Variants in AFF3 observed in about 807,000 individuals in gnomAD.
AFF3 encodes AF4/FMR2 family member 3.
Under a neutral mutation model 129.7 loss-of-function variants are expected in AFF3, and 32 were observed. That is an observed-to-expected ratio of 0.25 (90% CI 0.19 to 0.33). AFF3 has a LOEUF of 0.33. Ranked by LOEUF, AFF3 falls within the 10% of genes least tolerant of loss-of-function variation. AFF3 has a pLI of 1.00. For synonymous variants in AFF3, 644 were observed against 635.4 expected, an observed-to-expected ratio of 1.01 and a Z score of -0.20; for missense variants, 1,373 against 1,592.0, an observed-to-expected ratio of 0.86 and a Z score of 2.34.
At chr2:99,979,100 T>C (rs1679159803) in intron 7 of AFF3, among the ~76,000 whole-genome samples, 2 of 145,420 alleles carry the variant, frequency 1.4e-5, no homozygotes, top group South Asian at 2.2e-4. Flanking sequence ...GGGCATATTG[T>C]ATTAATAGAT....
chr2:99,606,491 C>T (rs539796377), intron 13 of AFF3, among the ~76,000 whole-genome samples: 6 of 151,804 alleles, frequency 4.0e-5, no homozygotes, highest in Non-Finnish European at 8.8e-5. Flanking sequence ...ACATAATAAG[C>T]GTTCATGTGT....
chr2:99,590,183 T>G (rs1678531016), intron 15 of AFF3, among the ~76,000 whole-genome samples: 1 of 152,222 alleles, frequency 6.6e-6, no homozygotes, highest in Admixed American at 6.5e-5. Flanking sequence ...GGATGAGGGA[T>G]GGGCAAGATT....
intron 4 of AFF3, 95 bp from the exon 5 acceptor site, chr2:100,009,027 G>T: frequency 6.8e-7 from 1 of 1,480,038 alleles, no homozygotes. Context: ...TCTGGTTCGT[G>T]GACAAATGGT....
chr2:100,073,111 T>C (rs1688326250), intron 4 of AFF3, among the ~76,000 whole-genome samples: 1 of 152,190 alleles, frequency 6.6e-6, no homozygotes, highest in African/African-American at 2.4e-5. Flanking sequence ...ACAGGTTGAA[T>C]TGTGTCCCTG....
At chr2:99,608,023 TC>T (rs1436706991) in intron 13 of AFF3, among the ~76,000 whole-genome samples, 1 of 152,248 alleles carries the variant, frequency 6.6e-6, no homozygotes, top group Non-Finnish European at 1.5e-5. Context: ...AATTGTTTGT[TC>T]TGCAACACTT....
intron 4 of AFF3, among the ~76,000 whole-genome samples, chr2:100,075,381 A>C (rs914186887): frequency 1.3e-5 from 2 of 152,128 alleles, no homozygotes; most frequent in African/African-American, 4.8e-5. Context: ...GTGAGGGGGC[A>C]TTTCTTTATA....
chr2:100,022,707 T>G (rs988748772), intron 4 of AFF3, among the ~76,000 whole-genome samples: 1 of 152,320 alleles, frequency 6.6e-6, no homozygotes, highest in East Asian at 1.9e-4. Flanking sequence ...CCACTGCGCC[T>G]GGCCCTGTCT....
At position 99,695,741 on chromosome 2, in the gene AFF3, G is replaced by A. The variant is rs115317444; in HGVS notation, c.1092-23152C>T. Among the ~76,000 whole-genome samples, 839 of 151,966 alleles carry A rather than the reference G, an allele frequency of 5.5e-3. 5 individuals are homozygous for A. Among genetic ancestry groups the A allele is most frequent in the African/African-American group, 0.019 (783 of 41,470 alleles). The stretch of plus-strand genomic sequence containing the variant: ...TCCATTTCTACTTTTTTATTGGTAA[G>A]CGATGGGATTTCATTTGTAATGTAT... On this transcript the variant is annotated intron_variant, in intron 11 of 24. Coordinates refer to ENST00000672756, the MANE Select transcript of AFF3 (RefSeq NM_001386135.1).
chr2:99,937,521 C>G (rs1224132707), intron 7 of AFF3, among the ~76,000 whole-genome samples: 2 of 152,140 alleles, frequency 1.3e-5, no homozygotes, highest in Non-Finnish European at 2.9e-5. Flanking sequence ...GCCTCAGCCT[C>G]CTGAGTAGCT....
At chr2:99,750,648 C>G (rs1307804975) in intron 9 of AFF3, among the ~76,000 whole-genome samples, 2 of 152,124 alleles carry the variant, frequency 1.3e-5, no homozygotes, top group African/African-American at 4.8e-5. Context: ...AACTCCAGAC[C>G]TCAAGCAATC....
intron 12 of AFF3, among the ~76,000 whole-genome samples, chr2:99,652,144 T>C (rs1175473369): frequency 2.6e-5 from 4 of 152,140 alleles, no homozygotes; most frequent in Non-Finnish European, 1.5e-5. Flanking sequence ...CAGGAAAGCC[T>C]TCCCTCTGAA....
intron 4 of AFF3, among the ~76,000 whole-genome samples, chr2:100,096,214 A>C (rs2699628): frequency 1.8e-4 from 27 of 152,174 alleles, no homozygotes; most frequent in African/African-American, 5.5e-4. Flanking sequence ...GTAAGACTAT[A>C]CAGTTACTCT....
chr2:99,594,381 T>C (rs2104990589), intron 14 of AFF3, 92 bp from the exon 15 acceptor site: 5 of 1,499,924 alleles, frequency 3.3e-6, no homozygotes, highest in Non-Finnish European at 3.6e-6. Context: ...CTTACTTCTC[T>C]AAGTATATGA....
intron 11 of AFF3, among the ~76,000 whole-genome samples, chr2:99,689,698 T>C (rs1675419841): frequency 7.5e-6 from 1 of 132,518 alleles, no homozygotes; most frequent in South Asian, 2.6e-4. Flanking sequence ...ATTCACCCCT[T>C]CAAAATAGGA....
chr2:99,947,629 T>TAGAC lies in AFF3; in HGVS notation c.873+59002_873+59003insGTCT, dbSNP rs1480008541. 1.9e-3 allele frequency among the ~76,000 whole-genome samples: 269 copies of TAGAC among 142,096 alleles called. 5 individuals are homozygous for TAGAC. The highest frequency in any genetic ancestry group is 7.5e-3 in the African/African-American group (255 of 33,984). The allele number at this position is 142,096 out of a possible 152,430, so 93.2% of individuals were successfully genotyped here. On this transcript the variant is annotated intron_variant, in intron 7 of 24. Coordinates refer to ENST00000672756, the MANE Select transcript of AFF3 (RefSeq NM_001386135.1). ...ATAGATAGATAGATAGATAGATAGA[T>TAGAC]AGATAGATAGATAGATAGATAGATA... is the stretch of plus-strand genomic sequence containing the variant.
intron 7 of AFF3, among the ~76,000 whole-genome samples, chr2:99,897,183 T>C (rs1169507059): frequency 1.3e-5 from 2 of 152,214 alleles, no homozygotes; most frequent in Non-Finnish European, 2.9e-5. Flanking sequence ...TTTACCATAA[T>C]TATGATTGCT....
At chr2:99,631,053 G>A (rs1025735303) in intron 13 of AFF3, 3 of 439,310 alleles carry the variant, frequency 6.8e-6, no homozygotes, top group Admixed American at 2.6e-5. Context: ...CTGCAGGGAG[G>A]CAGGCAGAGC....
chr2:99,553,806 C>T (rs571058891), intron 24 of AFF3, among the ~76,000 whole-genome samples: 13 of 149,802 alleles, frequency 8.7e-5, no homozygotes, highest in Admixed American at 6.7e-4. Context: ...CCCAGCTACT[C>T]GGGAGGCTGA....
intron 13 of AFF3, among the ~76,000 whole-genome samples, chr2:99,645,880 G>C (rs896919364): frequency 2.0e-5 from 3 of 152,148 alleles, no homozygotes; most frequent in Non-Finnish European, 4.4e-5. Flanking sequence ...CAGGCGACTG[G>C]AGAAATGGAA....
Sources: gnomAD v4.1 joint callset for allele counts (sites outside exome capture counted in the v4.1 genomes callset) on GRCh38, gnomAD v4.1.1 for gene constraint, MANE v1.5 for transcripts, NCBI Gene and HGNC (gene_info 2026-07-23, HGNC 2026-07-21) for gene names.